Variants in ZNF423 observed in about 807,000 individuals in gnomAD.
The protein encoded by ZNF423 is zinc finger protein 423, also known as Ebf-associated zinc finger protein.
A neutral mutation model predicts 95.8 loss-of-function variants in ZNF423; 12 were observed. The observed-to-expected ratio is 0.13, with a 90% CI of 0.08 to 0.20. ZNF423 has a LOEUF of 0.20. ZNF423 is among the 10% of genes least tolerant of loss of function. ZNF423 has a pLI of 1.00. For synonymous variants in ZNF423, 749 were observed against 711.9 expected (o/e 1.05, Z -0.83); for missense variants, 1,316 against 1,737.1 (o/e 0.76, Z 4.31).
chr16:49,750,637 A>C (rs374591112), intron 2 of ZNF423, among the ~76,000 whole-genome samples: 1 of 152,242 alleles, frequency 6.6e-6, no homozygotes, highest in African/African-American at 2.4e-5. Context: ...ACTGTCCCAG[A>C]GCAAAACCGG....
At chr16:49,823,356 C>T (rs936960655) in intron 1 of ZNF423, among the ~76,000 whole-genome samples, 2 of 152,228 alleles carry the variant, frequency 1.3e-5, no homozygotes, top group Non-Finnish European at 2.9e-5. Flanking sequence ...AAGCACTTTA[C>T]ACACATTATC....
At chr16:49,762,020 C>G (rs1028994027) in intron 2 of ZNF423, among the ~76,000 whole-genome samples, 2 of 152,104 alleles carry the variant, frequency 1.3e-5, no homozygotes, top group African/African-American at 4.8e-5. Flanking sequence ...CTATGTTGCC[C>G]AGGATGGTCT....
chr16:49,854,212 G>A, intron 1 of ZNF423: 1 of 985,428 alleles, frequency 1.0e-6, no homozygotes, highest in African/African-American at 1.7e-5. Flanking sequence ...CAGCCAGGGT[G>A]AGGCGAACAA....
chr16:49,720,539 G>A lies in ZNF423; in HGVS notation c.301+10232C>T, dbSNP rs138274923. Among the ~76,000 whole-genome samples the A allele has an allele frequency of 2.0e-3, 309 of 152,316 alleles. 1 individual carries two copies. Among genetic ancestry groups the A allele is most frequent in the Middle Eastern group, 6.8e-3 (2 of 294 alleles). Reference sequence around the variant, plus strand: ...AGGAGCCTGGTCCAGTCAGTGCCCTGGCTGTGTTTGAGAGACTGGTTCTGC... The same window carrying A: ...AGGAGCCTGGTCCAGTCAGTGCCCTAGCTGTGTTTGAGAGACTGGTTCTGC... On this transcript the variant is annotated intron_variant, in intron 3 of 7. Transcript: ENST00000563137.
chr16:49,718,479 C>G (rs2032772689), intron 3 of ZNF423, among the ~76,000 whole-genome samples: 1 of 152,180 alleles, frequency 6.6e-6, no homozygotes, highest in Admixed American at 6.5e-5. Flanking sequence ...ACTTCTCTTT[C>G]ATCCGTTAAG....
rs140252856 is a variant in ZNF423 at position 49,740,913 on chromosome 16, A to G, written c.101-9942T>C. Among the ~76,000 whole-genome samples, 326 of 152,282 alleles carry G rather than the reference A, an allele frequency of 2.1e-3. 1 individual carries two copies. The highest frequency in any genetic ancestry group is 7.5e-3 in the African/African-American group (312 of 41,550). On this transcript the variant is annotated intron_variant, in intron 2 of 7. Coordinates refer to ENST00000563137, the MANE Select transcript of ZNF423 (RefSeq NM_001379286.1). The stretch of plus-strand genomic sequence containing the variant: ...CGCCTCCTTCAGGCCAGAACTTCCA[A>G]TTCCTTTGTATCTTTCGCCTCGTGA...
intron 5 of ZNF423, among the ~76,000 whole-genome samples, chr16:49,589,298 G>C (rs1226968247): frequency 1.3e-5 from 2 of 152,134 alleles, no homozygotes; most frequent in Non-Finnish European, 2.9e-5. Context: ...AGGAACTCTT[G>C]AGCCATCCAT....
intron 2 of ZNF423, among the ~76,000 whole-genome samples, chr16:49,768,978 C>T (rs1026636034): frequency 4.6e-5 from 7 of 152,204 alleles, no homozygotes; most frequent in Non-Finnish European, 7.3e-5. Flanking sequence ...CAGCCACCAG[C>T]TGCCCAGGCC....
chr16:49,575,871 G>A (rs1970482026), intron 5 of ZNF423, among the ~76,000 whole-genome samples: 1 of 152,064 alleles, frequency 6.6e-6, no homozygotes, highest in African/African-American at 2.4e-5. Context: ...ACACTTGGAG[G>A]AGCCTGAAGG....
intron 6 of ZNF423, among the ~76,000 whole-genome samples, chr16:49,524,129 A>G (rs1034929785): frequency 1.3e-5 from 2 of 152,192 alleles, no homozygotes; most frequent in African/African-American, 4.8e-5. Context: ...CCAGACACCT[A>G]CAGGGGTGAG....
chr16:49,650,147 G>A (rs1166695185), intron 3 of ZNF423, among the ~76,000 whole-genome samples: 1 of 152,228 alleles, frequency 6.6e-6, no homozygotes. Flanking sequence ...ACAGTGAACA[G>A]CTGCCACCAA....
At chr16:49,532,796 C>G (rs1180783772) in intron 5 of ZNF423, among the ~76,000 whole-genome samples, 1 of 152,144 alleles carries the variant, frequency 6.6e-6, no homozygotes, top group Non-Finnish European at 1.5e-5. Flanking sequence ...GGAAAATAAT[C>G]CGGTCACATA....
intron 2 of ZNF423, among the ~76,000 whole-genome samples, chr16:49,765,211 G>A (rs1311304677): frequency 6.6e-6 from 1 of 152,118 alleles, no homozygotes; most frequent in Non-Finnish European, 1.5e-5. Context: ...AAACTGAGTA[G>A]AACAGTGTTT....
intron 5 of ZNF423, 92 bp from the exon 6 acceptor site, chr16:49,525,586 C>G (rs1370111379): frequency 5.2e-6 from 8 of 1,550,832 alleles, no homozygotes; most frequent in South Asian, 1.2e-5. Context: ...CAGCACTAAC[C>G]CCCCTCCAAT....
At chr16:49,594,052 G>A (rs1306615406) in intron 5 of ZNF423, among the ~76,000 whole-genome samples, 1 of 152,128 alleles carries the variant, frequency 6.6e-6, no homozygotes, top group Non-Finnish European at 1.5e-5. Context: ...AACTAGCAGT[G>A]CAAAGCGAGT....
rs374561028 is a variant in ZNF423, at chr16:49,731,022, G to T, written c.101-51C>A. On this transcript the variant is annotated intron_variant, in intron 2 of 7. Transcript: ENST00000563137. ...TGTCAGCTGATGGGGTCTTGGGAAAGGGTTTTAAAAGAATCGCCCGGCATT... is the reference window on the plus strand; with the variant it reads ...TGTCAGCTGATGGGGTCTTGGGAAATGGTTTTAAAAGAATCGCCCGGCATT... The T allele has an allele frequency of 9.4e-6, 15 of 1,596,892 alleles. No individual in the cohort carries two copies. The Admixed American group carries it at 1.3e-4, about 14-fold the overall frequency.
intron 1 of ZNF423, among the ~76,000 whole-genome samples, chr16:49,797,443 G>A (rs574409872): frequency 1.3e-5 from 2 of 152,338 alleles, no homozygotes; most frequent in African/African-American, 4.8e-5. Context: ...TACAGCCCAA[G>A]ATCATCTTTG....
intron 5 of ZNF423, among the ~76,000 whole-genome samples, chr16:49,560,504 C>T (rs1319450972): frequency 6.6e-6 from 1 of 152,148 alleles, no homozygotes; most frequent in Non-Finnish European, 1.5e-5. Flanking sequence ...TTCCCTCTCG[C>T]AGCATGATGA....
At chr16:49,758,726 G>A (rs533173050) in intron 2 of ZNF423, among the ~76,000 whole-genome samples, 1 of 152,278 alleles carries the variant, frequency 6.6e-6, no homozygotes, top group East Asian at 1.9e-4. Flanking sequence ...CTGGGCGACA[G>A]AGTGGTCTCC....
Sources: allele counts gnomAD v4.1 joint callset (sites outside exome capture counted in the v4.1 genomes callset), GRCh38; gene constraint gnomAD v4.1.1; transcripts MANE v1.5; gene names NCBI Gene and HGNC (gene_info 2026-07-23, HGNC 2026-07-21).